The following GPR19 variants were observed in gnomAD, a reference collection of about 807,000 sequenced individuals.
The protein encoded by GPR19 is probable G protein-coupled receptor 19.
GPR19 carries 14 observed loss-of-function variants against 28.5 expected under a neutral mutation model. The observed-to-expected ratio is 0.49, with a 90% CI of 0.32 to 0.77. The LOEUF (loss-of-function observed/expected upper bound fraction) is 0.77, where lower values mean the gene tolerates loss of function less well. GPR19 is among the 30% of genes least tolerant of loss of function. GPR19 has a pLI of 0.03. For synonymous variants in GPR19, 173 were observed against 184.1 expected (o/e 0.94, Z 0.49); for missense variants, 409 against 504.1 (o/e 0.81, Z 1.81).
chr12:12,667,860 TTTAC>T (rs986763295), intron 3 of GPR19, among the ~76,000 whole-genome samples: 2 of 152,172 alleles, frequency 1.3e-5, no homozygotes, highest in African/African-American at 2.4e-5. Flanking sequence ...GGACTATGTC[TTTAC>T]TTCTATATCC....
chr12:12,699,703 G>A (rs1946305535), upstream of GPR19, among the ~76,000 whole-genome samples: 2 of 152,176 alleles, frequency 1.3e-5, no homozygotes, highest in African/African-American at 4.8e-5. Context: ...GTTTGTGACT[G>A]GTCAAATAAT....
chr12:12,716,684 G>A, the GPR19 span: 3 of 848,436 alleles, frequency 3.5e-6, no homozygotes, highest in East Asian at 1.2e-4. Context: ...GATAAGTGCC[G>A]CGTCTACTCC....
intron 3 of GPR19, among the ~76,000 whole-genome samples, chr12:12,681,169 A>C (rs987758854): frequency 6.6e-6 from 1 of 152,118 alleles, no homozygotes; most frequent in Non-Finnish European, 1.5e-5. Flanking sequence ...TGGCTGATGG[A>C]GAAGAAACTA....
upstream of GPR19, among the ~76,000 whole-genome samples, chr12:12,696,724 G>A (rs1020612666): frequency 4.6e-5 from 7 of 152,224 alleles, no homozygotes; most frequent in African/African-American, 1.7e-4. Flanking sequence ...CAGGCGAAGC[G>A]CTGTGTCGCG....
intron 2 of GPR19, among the ~76,000 whole-genome samples, chr12:12,685,651 G>C (rs571147742): frequency 1.4e-4 from 21 of 152,280 alleles, no homozygotes; most frequent in African/African-American, 4.1e-4. Context: ...TTGGATTGCT[G>C]TCGGTCCTAA....
intron 3 of GPR19, chr12:12,684,056 T>C (rs1946059178): frequency 6.6e-6 from 1 of 152,210 alleles, no homozygotes; most frequent in Non-Finnish European, 1.5e-5. Flanking sequence ...GTTTCGGTAA[T>C]TTTTTCCCCT....
intron 3 of GPR19, among the ~76,000 whole-genome samples, chr12:12,667,264 A>G (rs556360253): frequency 5.5e-4 from 84 of 152,262 alleles, no homozygotes; most frequent in African/African-American, 2.0e-3. Context: ...TGAGGTATTG[A>G]AGGTCCTTAT....
At chr12:12,712,676 A>G in the GPR19 span, among the ~76,000 whole-genome samples, 1 of 151,748 alleles carries the variant, frequency 6.6e-6, no homozygotes, top group Admixed American at 6.6e-5. Flanking sequence ...TTCTACCTCT[A>G]GTTTATTTAT....
the GPR19 span, among the ~76,000 whole-genome samples, chr12:12,713,436 CATT>C: frequency 5.3e-5 from 8 of 152,188 alleles, no homozygotes; most frequent in East Asian, 1.2e-3. Context: ...TCCTTGAACA[CATT>C]AGGCAAGATC....
At chr12:12,709,629 C>T in the GPR19 span, among the ~76,000 whole-genome samples, 2 of 152,032 alleles carry the variant, frequency 1.3e-5, no homozygotes, top group Non-Finnish European at 2.9e-5. Context: ...TTTGTAGAGA[C>T]GGATCTTACT....
the GPR19 span, among the ~76,000 whole-genome samples, chr12:12,707,040 ACTTC>A: frequency 6.6e-6 from 1 of 151,958 alleles, no homozygotes; most frequent in Admixed American, 6.6e-5. Flanking sequence ...TGGGGTCTCT[ACTTC>A]CTTCTTCTCT....
At chr12:12,708,109 C>G in the GPR19 span, among the ~76,000 whole-genome samples, 1,439 of 149,798 alleles carry the variant, frequency 9.6e-3, 12 homozygotes, top group Middle Eastern at 0.014. Context: ...AAGCGATACT[C>G]CCACCTCAGC....
At chr12:12,694,186 G>GTTTTTTTTT (rs1256563402) in intron 2 of GPR19, among the ~76,000 whole-genome samples, 1 of 93,512 alleles carries the variant, frequency 1.1e-5, no homozygotes, top group Non-Finnish European at 2.1e-5. Context: ...TAGAGTACCT[G>GTTTTTTTTT]TCTTTTTTTT....
At chr12:12,685,904 T>C (rs1470322624) in intron 2 of GPR19, among the ~76,000 whole-genome samples, 1 of 152,228 alleles carries the variant, frequency 6.6e-6, no homozygotes, top group Non-Finnish European at 1.5e-5. Flanking sequence ...AATTGGGAGA[T>C]ACTTTAGAGC....
chr12:12,700,161 T>TC (rs1565414499), upstream of GPR19, among the ~76,000 whole-genome samples: 1 of 145,534 alleles, frequency 6.9e-6, no homozygotes, highest in Non-Finnish European at 1.5e-5. Context: ...CTCTCTTTCT[T>TC]TCTCTCTCTC....
At chr12:12,700,162 T>TCTCC (rs1262787236), upstream of GPR19, among the ~76,000 whole-genome samples, 2 of 2,030 alleles carry the variant, frequency 9.9e-4, no homozygotes, top group Non-Finnish European at 0.016. Flanking sequence ...TCTCTTTCTT[T>TCTCC]CTCTCTCTCT....
Position 12,661,801 on chromosome 12 carries a change from G to A in GPR19, c.648C>T (p.Ser216=). 1 of 1,613,990 alleles carries A rather than the reference G, an allele frequency of 6.2e-7. No homozygotes were observed. The change falls in exon 4 of 4, where the codon TCC becomes TCT. Residue 216 remains serine, a synonymous_variant. Transcript: ENST00000651487. The surrounding 1 kb of genome is among the most constrained non-coding windows in gnomAD (Gnocchi z 4.2). ...CAGTGTAGGCAGTGCCTTCCCAAGA[G>A]GAGGGGAGGAAATAGTTACAATGAC... ...WDSHCNYFLP[S]SWEGTAYTVI...
intron 3 of GPR19, among the ~76,000 whole-genome samples, chr12:12,666,410 G>GC (rs1945779862): frequency 1.3e-5 from 2 of 152,178 alleles, no homozygotes; most frequent in African/African-American, 4.8e-5. Context: ...CTCTAGCTTA[G>GC]CAATACAGTA....
At chr12:12,667,927 A>G (rs947349111) in intron 3 of GPR19, among the ~76,000 whole-genome samples, 1 of 152,272 alleles carries the variant, frequency 6.6e-6, no homozygotes, top group African/African-American at 2.4e-5. Context: ...ATGGGTGGAT[A>G]TGTTAGTAAA....
Sources: allele counts gnomAD v4.1 joint callset (sites outside exome capture counted in the v4.1 genomes callset), GRCh38; gene constraint gnomAD v4.1.1; non-coding constraint Gnocchi (gnomAD v3.1); transcripts MANE v1.5; gene names NCBI Gene and HGNC (gene_info 2026-07-23, HGNC 2026-07-21).